Variants in OTC observed in about 807,000 individuals in gnomAD.
OTC encodes the protein ornithine transcarbamylase, mitochondrial.
OTC carries 3 observed loss-of-function variants against 30.3 expected under a neutral mutation model. The ratio of observed to expected loss-of-function variants is 0.10; its 90% CI spans 0.05 to 0.26. The LOEUF is 0.26. OTC is among the 10% of genes least tolerant of loss of function. The pLI, the probability that OTC is intolerant of heterozygous loss-of-function variation, is 1.00. For synonymous variants in OTC, 111 were observed against 99.7 expected (o/e 1.11, Z -0.67); for missense variants, 194 against 260.3 (o/e 0.75, Z 1.75).
intron 1 of OTC, among the ~76,000 whole-genome samples, chrX:38,355,996 C>A (rs1029477258): frequency 9.8e-6 from 1 of 101,675 alleles, no homozygotes; most frequent in African/African-American, 3.7e-5. Flanking sequence ...TGCAGTGAGC[C>A]GAGATCGCGC....
chrX:38,360,675 A>C (rs988848803), intron 1 of OTC, among the ~76,000 whole-genome samples: 6 of 111,810 alleles, frequency 5.4e-5, no homozygotes, highest in Admixed American at 2.9e-4. Flanking sequence ...CCTTTGCGAT[A>C]TCCCAATGTG....
chrX:38,335,703 T>C, the OTC span, among the ~76,000 whole-genome samples: 1 of 112,739 alleles, frequency 8.9e-6, no homozygotes, highest in Non-Finnish European at 1.9e-5. Context: ...TGTTCAGCAA[T>C]TGTATATCTG....
At position 38,394,428 on chromosome X, in the gene OTC, G is replaced by A. The variant is rs760998944; in HGVS notation, c.387-6847G>A. Among the ~76,000 whole-genome samples, 16 of 112,130 alleles carry A rather than the reference G, an allele frequency of 1.4e-4. No homozygotes were observed. The East Asian group carries it at 3.1e-3, about 22-fold the overall frequency. ...TACAATGCTGTTAGAAAAAAGGAGA[G>A]TCTGTCTTATATAACTTTCTATAGA... On this transcript the variant is annotated intron_variant, in intron 4 of 9. Coordinates refer to ENST00000039007, the MANE Select transcript of OTC (RefSeq NM_000531.6).
intron 4 of OTC, among the ~76,000 whole-genome samples, chrX:38,384,324 G>A (rs529295741): frequency 1.3e-4 from 14 of 111,691 alleles, no homozygotes; most frequent in African/African-American, 4.5e-4. Flanking sequence ...GATGGGGGAT[G>A]TCAGAAAAAG....
intron 9 of OTC, among the ~76,000 whole-genome samples, chrX:38,417,746 C>G (rs2147348758): frequency 8.9e-6 from 1 of 112,004 alleles, no homozygotes; most frequent in Non-Finnish European, 1.9e-5. Context: ...GAACAAGGAC[C>G]TGAGAGACCA....
chrX:38,356,697 C>A (rs928105646), intron 1 of OTC, among the ~76,000 whole-genome samples: 1 of 110,479 alleles, frequency 9.1e-6, no homozygotes, highest in African/African-American at 3.3e-5. Flanking sequence ...CGGGCCTCAT[C>A]CGGGACAGGC....
At chrX:38,342,915 G>C in the OTC span, among the ~76,000 whole-genome samples, 1 of 112,011 alleles carries the variant, frequency 8.9e-6, no homozygotes, top group Non-Finnish European at 1.9e-5. Context: ...TTAATCATTA[G>C]CTTAAGGTGA....
Position 38,411,924 on chromosome X carries a change from A to G in OTC, c.930A>G (p.Glu310=). ...FLHCLPRKPE[E]VDDEVFYSPR... ...ACTGCTTGCCCAGAAAGCCAGAAGA[A>G]GTGGATGATGAAGTCTTTTATTCTC... The change falls in exon 9 of 10, where the codon GAA becomes GAG. Residue 310 remains glutamate, a synonymous_variant. Coordinates refer to ENST00000039007, the MANE Select transcript of OTC (RefSeq NM_000531.6). 4 of 1,209,314 alleles carry G rather than the reference A, an allele frequency of 3.3e-6. No individual in the cohort carries two copies. Among genetic ancestry groups the G allele is most frequent in the Non-Finnish European group, 4.5e-6 (4 of 893,208 alleles).
chrX:38,412,459 G>A (rs1027309695), intron 9 of OTC, among the ~76,000 whole-genome samples: 1 of 111,378 alleles, frequency 9.0e-6, no homozygotes, highest in Admixed American at 9.6e-5. Flanking sequence ...CTTTGAGTTT[G>A]GCCATAGGGA....
At chrX:38,378,921 G>T (rs2068362836) in intron 3 of OTC, among the ~76,000 whole-genome samples, 1 of 111,674 alleles carries the variant, frequency 9.0e-6, no homozygotes, top group South Asian at 3.8e-4. Flanking sequence ...ATGGGGCTGG[G>T]ATGAGGATTC....
the OTC span, among the ~76,000 whole-genome samples, chrX:38,346,126 GA>G: frequency 9.4e-4 from 103 of 109,328 alleles, 1 homozygote; most frequent in African/African-American, 2.9e-3. Flanking sequence ...ATCTTCAAAA[GA>G]AAAAAAAGGT....
chrX:38,417,403 T>C (rs1390833654), intron 9 of OTC, among the ~76,000 whole-genome samples: 1 of 111,215 alleles, frequency 9.0e-6, no homozygotes, highest in Admixed American at 9.6e-5. Flanking sequence ...GGATAAAAAA[T>C]AGAACCAACC....
At chrX:38,371,195 G>A (rs951359717) in intron 3 of OTC, among the ~76,000 whole-genome samples, 1 of 111,783 alleles carries the variant, frequency 8.9e-6, no homozygotes, top group South Asian at 3.7e-4. Flanking sequence ...TTGGAGGCCA[G>A]GAAATAAAGC....
At chrX:38,333,453 G>T in the OTC span, among the ~76,000 whole-genome samples, 12 of 109,955 alleles carry the variant, frequency 1.1e-4, no homozygotes, top group Admixed American at 2.9e-4. Flanking sequence ...GAGAAGGCAG[G>T]TATAATTTTA....
intron 8 of OTC, among the ~76,000 whole-genome samples, chrX:38,411,521 C>T (rs1183983620): frequency 9.0e-6 from 1 of 110,540 alleles, no homozygotes; most frequent in Non-Finnish European, 1.9e-5. Context: ...CAAAAATTCA[C>T]TGGGCATGGT....
chrX:38,371,621 C>T (rs1269368246), intron 3 of OTC, among the ~76,000 whole-genome samples: 1 of 111,950 alleles, frequency 8.9e-6, no homozygotes, highest in East Asian at 2.8e-4. Flanking sequence ...GGGGATTAAG[C>T]GACTTGCCAA....
At chrX:38,371,451 G>A (rs6520302) in intron 3 of OTC, among the ~76,000 whole-genome samples, 48,291 of 110,518 alleles carry the variant, frequency 0.44, 8,525 homozygotes, top group African/African-American at 0.65. Flanking sequence ...AGGAAGTACC[G>A]CAAACAAAAA....
chrX:38,389,866 G>A (rs1199465397), intron 4 of OTC, among the ~76,000 whole-genome samples: 1 of 111,347 alleles, frequency 9.0e-6, no homozygotes, highest in Admixed American at 9.6e-5. Flanking sequence ...CATTATATGA[G>A]GGTAAATGAG....
chrX:38,372,823 C>T (rs2068329356), intron 3 of OTC, among the ~76,000 whole-genome samples: 1 of 112,075 alleles, frequency 8.9e-6, no homozygotes, highest in Admixed American at 9.5e-5. Context: ...CAACAAGTAC[C>T]ACCTGTTACT....
Sources: allele counts gnomAD v4.1 joint callset (sites outside exome capture counted in the v4.1 genomes callset), GRCh38; gene constraint gnomAD v4.1.1; transcripts MANE v1.5; gene names NCBI Gene and HGNC (gene_info 2026-07-23, HGNC 2026-07-21).